The following FHIT variants were observed in gnomAD, a reference collection of about 807,000 sequenced individuals.
FHIT encodes the protein fragile histidine triad diadenosine triphosphatase.
FHIT carries 19 observed loss-of-function variants against 17.9 expected under a neutral mutation model. The observed-to-expected ratio is 1.06, with a 90% CI of 0.74 to 1.56. The LOEUF (loss-of-function observed/expected upper bound fraction) is 1.56, where lower values mean the gene tolerates loss of function less well. Among genes scored for constraint, FHIT ranks in the 40% most tolerant of loss-of-function variants. FHIT has a pLI of 0.00. For synonymous variants in FHIT, 81 were observed against 69.7 expected (o/e 1.16, Z -0.81); for missense variants, 248 against 189.2 (o/e 1.31, Z -1.82).
At chr3:61,193,872 A>T (rs989379974) in intron 2 of FHIT, among the ~76,000 whole-genome samples, 1 of 152,350 alleles carries the variant, frequency 6.6e-6, no homozygotes, top group South Asian at 2.1e-4. Context: ...AGAAAAGCAT[A>T]ACAAATGTAT....
chr3:60,974,323 G>A (rs1009557151), intron 3 of FHIT, among the ~76,000 whole-genome samples: 2 of 152,132 alleles, frequency 1.3e-5, no homozygotes, highest in Non-Finnish European at 2.9e-5. Flanking sequence ...ACTCAGGTCT[G>A]GTCAGTCCCT....
At chr3:60,456,526 T>C (rs1373466233) in intron 5 of FHIT, among the ~76,000 whole-genome samples, 1 of 152,226 alleles carries the variant, frequency 6.6e-6, no homozygotes, top group Non-Finnish European at 1.5e-5. Flanking sequence ...CTTCAGCATT[T>C]AACTCGACTT....
At chr3:59,986,455 C>G (rs1262776587) in intron 7 of FHIT, among the ~76,000 whole-genome samples, 2 of 143,260 alleles carry the variant, frequency 1.4e-5, no homozygotes, top group African/African-American at 5.3e-5. Flanking sequence ...GATTGGATCT[C>G]CCTTGGACTC....
At chr3:60,099,653 C>T (rs145818826) in intron 5 of FHIT, among the ~76,000 whole-genome samples, 1 of 152,138 alleles carries the variant, frequency 6.6e-6, no homozygotes, top group African/African-American at 2.4e-5. Flanking sequence ...TGGCCTCACC[C>T]GACATATTTA....
chr3:61,217,433 G>A (rs1340247372), intron 1 of FHIT, among the ~76,000 whole-genome samples: 2 of 152,214 alleles, frequency 1.3e-5, no homozygotes, highest in Non-Finnish European at 2.9e-5. Context: ...GCTGGAATAT[G>A]TCCATGTGGC....
intron 1 of FHIT, among the ~76,000 whole-genome samples, chr3:61,206,457 A>G (rs2039235407): frequency 6.6e-6 from 1 of 151,858 alleles, no homozygotes; most frequent in Non-Finnish European, 1.5e-5. Context: ...TGGGCATGGA[A>G]TGTTCTTCCA....
intron 3 of FHIT, among the ~76,000 whole-genome samples, chr3:60,890,217 G>T (rs1553760332): frequency 4.5e-5 from 2 of 44,504 alleles, no homozygotes; most frequent in Non-Finnish European, 8.3e-5. Flanking sequence ...TAGCTTCCAT[G>T]ATGTAAAAAA....
At chr3:59,795,861 C>A (rs1269998679) in intron 8 of FHIT, among the ~76,000 whole-genome samples, 1 of 152,196 alleles carries the variant, frequency 6.6e-6, no homozygotes, top group African/African-American at 2.4e-5. Context: ...CTTATTAGTT[C>A]AGACAGGCTT....
At chr3:60,316,382 A>T (rs768050528) in intron 5 of FHIT, among the ~76,000 whole-genome samples, 3 of 152,176 alleles carry the variant, frequency 2.0e-5, no homozygotes, top group Non-Finnish European at 4.4e-5. Context: ...TAGTGTGTTT[A>T]TTGCTTGATA....
intron 5 of FHIT, among the ~76,000 whole-genome samples, chr3:60,060,238 A>C (rs1454535145): frequency 6.6e-6 from 1 of 152,186 alleles, no homozygotes; most frequent in African/African-American, 2.4e-5. Flanking sequence ...TACACACTCA[A>C]AAAGTTTCTC....
chr3:61,145,449 G>A (rs887688658), intron 2 of FHIT, among the ~76,000 whole-genome samples: 5 of 152,010 alleles, frequency 3.3e-5, no homozygotes, highest in Non-Finnish European at 5.9e-5. Context: ...ACTAGTAAGT[G>A]TGAGTCTTCA....
chr3:59,873,602 C>A (rs973520253), intron 8 of FHIT, among the ~76,000 whole-genome samples: 1 of 152,186 alleles, frequency 6.6e-6, no homozygotes, highest in Non-Finnish European at 1.5e-5. Context: ...CTGCTGTCTT[C>A]TGTATTACAG....
intron 8 of FHIT, among the ~76,000 whole-genome samples, chr3:59,875,615 T>C (rs562140486): frequency 6.6e-6 from 1 of 152,240 alleles, no homozygotes; most frequent in East Asian, 1.9e-4. Context: ...AGTTTTTTTT[T>C]ATAATTTTAG....
At chr3:60,014,295 C>T in intron 5 of FHIT, 143 bp from the exon 6 acceptor site, 1 of 714,216 alleles carries the variant, frequency 1.4e-6, no homozygotes, top group Non-Finnish European at 2.3e-6. Flanking sequence ...TATTTACCAT[C>T]CACTGAACTC....
intron 7 of FHIT, among the ~76,000 whole-genome samples, chr3:59,963,936 G>GT (rs771550402): frequency 3.7e-4 from 57 of 152,126 alleles, no homozygotes; most frequent in Non-Finnish European, 6.9e-4. Flanking sequence ...ATTTTTCATC[G>GT]TAACAGTGTA....
chr3:60,093,173 T>G (rs993651560), intron 5 of FHIT, among the ~76,000 whole-genome samples: 1 of 152,176 alleles, frequency 6.6e-6, no homozygotes, highest in African/African-American at 2.4e-5. Flanking sequence ...TCTCCAGGTG[T>G]GGGCAGAGCT....
chr3:59,820,126 A>G (rs1700737864), intron 8 of FHIT, among the ~76,000 whole-genome samples: 1 of 152,218 alleles, frequency 6.6e-6, no homozygotes, highest in Admixed American at 6.5e-5. Context: ...TAGAAACAGG[A>G]ATGGACTAAG....
chr3:59,984,743 T>G (rs1374093558), intron 7 of FHIT, among the ~76,000 whole-genome samples: 1 of 151,896 alleles, frequency 6.6e-6, no homozygotes, highest in African/African-American at 2.4e-5. Context: ...TAAGTTTGAG[T>G]TTTCTTCTAG....
intron 3 of FHIT, among the ~76,000 whole-genome samples, chr3:60,895,769 C>T (rs543679409): frequency 2.1e-5 from 3 of 145,788 alleles, no homozygotes; most frequent in South Asian, 2.2e-4. Flanking sequence ...TCATTTGATT[C>T]TTAAGTGTCC....
Sources: gnomAD v4.1 joint callset for allele counts (sites outside exome capture counted in the v4.1 genomes callset) on GRCh38, gnomAD v4.1.1 for gene constraint, MANE v1.5 for transcripts, NCBI Gene and HGNC (gene_info 2026-07-23, HGNC 2026-07-21) for gene names.